Variants in ELMOD1 observed in about 807,000 individuals in gnomAD.
The protein encoded by ELMOD1 is ELMO domain-containing protein 1.
Under a neutral mutation model 46.7 loss-of-function variants are expected in ELMOD1, and 21 were observed. That is an observed-to-expected ratio of 0.45 (90% CI 0.32 to 0.65). The LOEUF is 0.65. Among genes scored for constraint, ELMOD1 ranks in the 30% least tolerant of loss-of-function variants. ELMOD1 has a pLI of 0.04. For synonymous variants in ELMOD1, 122 were observed against 138.2 expected, an observed-to-expected ratio of 0.88 and a Z score of 0.82; for missense variants, 348 against 407.8, an observed-to-expected ratio of 0.85 and a Z score of 1.26.
intron 1 of ELMOD1, among the ~76,000 whole-genome samples, chr11:107,607,493 CA>C (rs376946632): frequency 2.0e-5 from 3 of 151,864 alleles, no homozygotes; most frequent in African/African-American, 7.3e-5. Context: ...CCTGTTTCTA[CA>C]AAAAAATACA....
intron 1 of ELMOD1, chr11:107,591,730 C>G (rs568194220): frequency 2.6e-6 from 1 of 389,366 alleles, no homozygotes; most frequent in South Asian, 1.9e-5. Flanking sequence ...GCCGAGGGCT[C>G]GGGGAAGGGA....
At chr11:107,635,127 G>C (rs1866205723) in intron 5 of ELMOD1, among the ~76,000 whole-genome samples, 1 of 152,072 alleles carries the variant, frequency 6.6e-6, no homozygotes, top group Non-Finnish European at 1.5e-5. Flanking sequence ...GCCCTTAAGG[G>C]CTTTTTCTGT....
At chr11:107,614,853 C>G (rs1483547394) in intron 1 of ELMOD1, among the ~76,000 whole-genome samples, 1 of 152,162 alleles carries the variant, frequency 6.6e-6, no homozygotes, top group Non-Finnish European at 1.5e-5. Context: ...AACTTTATCT[C>G]TTATACATAT....
At chr11:107,626,826 C>T (rs1484371027) in intron 2 of ELMOD1, among the ~76,000 whole-genome samples, 2 of 151,948 alleles carry the variant, frequency 1.3e-5, no homozygotes, top group African/African-American at 4.8e-5. Flanking sequence ...CAGTTTTTTC[C>T]ATAAACTTTG....
intron 1 of ELMOD1, among the ~76,000 whole-genome samples, chr11:107,607,132 A>G (rs1865698516): frequency 6.6e-6 from 1 of 152,222 alleles, no homozygotes; most frequent in African/African-American, 2.4e-5. Flanking sequence ...AGAAGCCTGT[A>G]TCTGTTTCTG....
chr11:107,609,374 A>G (rs555432529), intron 1 of ELMOD1, among the ~76,000 whole-genome samples: 3 of 152,358 alleles, frequency 2.0e-5, no homozygotes, highest in Admixed American at 6.5e-5. Flanking sequence ...TATAAACAGT[A>G]TGAGTCCACC....
intron 1 of ELMOD1, among the ~76,000 whole-genome samples, chr11:107,601,465 G>T: frequency 6.9e-6 from 1 of 145,788 alleles, no homozygotes. Flanking sequence ...GCCCAGGCTG[G>T]AGTGCAGTGG....
chr11:107,643,023 A>G (rs547189066), intron 6 of ELMOD1: 6 of 235,204 alleles, frequency 2.6e-5, no homozygotes, highest in African/African-American at 1.4e-4. Flanking sequence ...TCGTTTTCAT[A>G]TTCATCCAAT....
At chr11:107,622,127 G>A (rs1347897379) in intron 2 of ELMOD1, among the ~76,000 whole-genome samples, 7 of 152,260 alleles carry the variant, frequency 4.6e-5, no homozygotes, top group South Asian at 2.1e-4. Flanking sequence ...AAAAGAATGC[G>A]ATCAGTGACA....
At chr11:107,626,461 T>TA (rs769062553) in intron 2 of ELMOD1, among the ~76,000 whole-genome samples, 1 of 150,386 alleles carries the variant, frequency 6.6e-6, no homozygotes, top group Non-Finnish European at 1.5e-5. Flanking sequence ...TAAACTCAAA[T>TA]AAGAAACAGA....
intron 11 of ELMOD1, among the ~76,000 whole-genome samples, chr11:107,657,989 T>C (rs1429733232): frequency 6.6e-6 from 1 of 152,072 alleles, no homozygotes; most frequent in Non-Finnish European, 1.5e-5. Context: ...GCCAGGCAAA[T>C]AAACAAAAGA....
chr11:107,598,332 C>T (rs575237416), intron 1 of ELMOD1, among the ~76,000 whole-genome samples: 27 of 152,202 alleles, frequency 1.8e-4, no homozygotes, highest in South Asian at 1.2e-3. Context: ...GAGGCAAAAG[C>T]GGGTGAATTC....
intron 11 of ELMOD1, among the ~76,000 whole-genome samples, chr11:107,662,395 G>C (rs936387437): frequency 6.6e-6 from 1 of 152,168 alleles, no homozygotes; most frequent in Non-Finnish European, 1.5e-5. Flanking sequence ...CGGATCACTT[G>C]AGGTTGGGAG....
chr11:107,665,315 G>T lies in ELMOD1; in HGVS notation c.*118G>T. The T allele has an allele frequency of 1.9e-6, 2 of 1,043,568 alleles. No homozygotes were observed. The highest frequency in any genetic ancestry group is 2.8e-6 in the Non-Finnish European group (2 of 713,010). 64.6% of individuals were successfully genotyped at this position (1,043,568 alleles called of 1,614,324 possible). Reference sequence around the variant, plus strand: ...ACAGTGATTGTATGCATGCCTTTTGGTACAGTGTTTTCATCTCTTGGTCAT... The same window carrying T: ...ACAGTGATTGTATGCATGCCTTTTGTTACAGTGTTTTCATCTCTTGGTCAT... On this transcript the variant is annotated 3_prime_UTR_variant, in exon 12 of 12. Transcript: ENST00000265840.
chr11:107,662,349 G>A (rs939727510), intron 11 of ELMOD1, among the ~76,000 whole-genome samples: 2 of 152,060 alleles, frequency 1.3e-5, no homozygotes, highest in East Asian at 1.9e-4. Context: ...AGTGGCTCAC[G>A]CCTGTAATCC....
At chr11:107,653,202 C>T (rs979654940) in intron 9 of ELMOD1, among the ~76,000 whole-genome samples, 1 of 151,940 alleles carries the variant, frequency 6.6e-6, no homozygotes, top group Admixed American at 6.6e-5. Context: ...GAACATGAGT[C>T]CTGCCTCCTT....
Position 107,631,647 on chromosome 11 carries a change from T to G in ELMOD1, c.260T>G (p.Leu87Arg). The change falls in exon 5 of 12, where the codon CTG becomes CGG. Residue 87 changes from leucine to arginine, a missense_variant. By Grantham distance (102) the Leu-to-Arg change is moderately radical (BLOSUM62 -2). Transcript: ENST00000265840. ...AAAACTATAGAAGATATCATGGAAC[T>G]GAAAAAAATTAATCCTGACGTAAAT... is the stretch of plus-strand genomic sequence containing the variant. ...IEKTIEDIME[L>R]KKINPDVNPQ... 1 of 1,555,272 alleles carries G rather than the reference T, an allele frequency of 6.4e-7. No homozygotes were observed. Among genetic ancestry groups the G allele is most frequent in the Non-Finnish European group, 8.7e-7 (1 of 1,148,078 alleles).
At chr11:107,615,000 T>G (rs987264496) in intron 1 of ELMOD1, among the ~76,000 whole-genome samples, 22 of 152,114 alleles carry the variant, frequency 1.4e-4, no homozygotes, top group Admixed American at 6.5e-5. Context: ...AGTCCCTGTT[T>G]GTTTCTCTGT....
chr11:107,661,389 T>A (rs879442268), intron 11 of ELMOD1, among the ~76,000 whole-genome samples: 1 of 152,240 alleles, frequency 6.6e-6, no homozygotes, highest in Non-Finnish European at 1.5e-5. Context: ...TGAACATTTA[T>A]GTATATTGCA....
Sources: allele counts gnomAD v4.1 joint callset (sites outside exome capture counted in the v4.1 genomes callset), GRCh38; gene constraint gnomAD v4.1.1; transcripts MANE v1.5; gene names NCBI Gene and HGNC (gene_info 2026-07-23, HGNC 2026-07-21).